Variants in SLIT3 observed in about 807,000 individuals in gnomAD.
The protein encoded by SLIT3 is slit homolog 3 protein.
In SLIT3, 68 loss-of-function variants were observed where a neutral mutation model predicts 184.0. The observed-to-expected ratio is 0.37, with a 90% CI of 0.30 to 0.45. SLIT3 has a LOEUF of 0.45. SLIT3 is among the 20% of genes least tolerant of loss of function. The pLI is 1.00. For synonymous variants in SLIT3, 831 were observed against 828.6 expected, an observed-to-expected ratio of 1.00 and a Z score of -0.05; for missense variants, 1,707 against 2,026.0, an observed-to-expected ratio of 0.84 and a Z score of 3.02.
intron 14 of SLIT3, among the ~76,000 whole-genome samples, chr5:168,763,106 T>C (rs547735992): frequency 6.6e-6 from 1 of 152,136 alleles, no homozygotes; most frequent in African/African-American, 2.4e-5. Flanking sequence ...TAAATGTTCA[T>C]GAAAATCCAA....
intron 4 of SLIT3, among the ~76,000 whole-genome samples, chr5:168,894,108 T>C (rs1760572016): frequency 6.6e-6 from 1 of 152,210 alleles, no homozygotes; most frequent in South Asian, 2.1e-4. Flanking sequence ...AGGTGGTCTT[T>C]TTTAACTCAG....
intron 5 of SLIT3, among the ~76,000 whole-genome samples, chr5:168,879,619 T>C (rs897455516): frequency 1.3e-5 from 2 of 152,220 alleles, no homozygotes; most frequent in Non-Finnish European, 2.9e-5. Flanking sequence ...GACTCCCTCT[T>C]ATTAAAACCA....
chr5:168,905,355 C>T (rs138792834), intron 4 of SLIT3, among the ~76,000 whole-genome samples: 166 of 152,268 alleles, frequency 1.1e-3, no homozygotes, highest in African/African-American at 3.6e-3. Context: ...TTTGTCAACA[C>T]CTGTATGCTT....
chr5:169,252,226 T>C (rs1765799486), intron 1 of SLIT3, among the ~76,000 whole-genome samples: 1 of 152,230 alleles, frequency 6.6e-6, no homozygotes, highest in Non-Finnish European at 1.5e-5. Flanking sequence ...TTTAACTCCA[T>C]ACCCAACATA....
At chr5:168,952,101 T>A (rs1001688148) in intron 4 of SLIT3, among the ~76,000 whole-genome samples, 1 of 152,154 alleles carries the variant, frequency 6.6e-6, no homozygotes, top group African/African-American at 2.4e-5. Flanking sequence ...ATGAGAAATA[T>A]TCCCCCAAAG....
intron 4 of SLIT3, among the ~76,000 whole-genome samples, chr5:169,135,257 G>A (rs1200317170): frequency 6.6e-6 from 1 of 152,088 alleles, no homozygotes; most frequent in Admixed American, 6.6e-5. Flanking sequence ...GATTACAGGT[G>A]CCCGCCACCA....
chr5:169,269,265 C>G (rs1351803313), intron 1 of SLIT3, among the ~76,000 whole-genome samples: 3 of 152,202 alleles, frequency 2.0e-5, no homozygotes, highest in African/African-American at 7.2e-5. Context: ...TCTCCTTAAC[C>G]ACTCTGACTT....
intron 4 of SLIT3, among the ~76,000 whole-genome samples, chr5:169,112,462 C>T (rs992739394): frequency 1.3e-5 from 2 of 152,180 alleles, no homozygotes; most frequent in Admixed American, 1.3e-4. Context: ...GGTAGACCCT[C>T]ATAACATTTT....
intron 4 of SLIT3, among the ~76,000 whole-genome samples, chr5:168,896,464 C>T (rs138562246): frequency 0.018 from 2,752 of 152,248 alleles, 51 homozygotes; most frequent in Admixed American, 0.062. Context: ...AAAAACCCTG[C>T]CTTCTTGCCC....
intron 4 of SLIT3, among the ~76,000 whole-genome samples, chr5:169,011,728 A>C (rs780209108): frequency 6.6e-6 from 1 of 152,140 alleles, no homozygotes. Context: ...ACTCAACCAC[A>C]CTTGAAAAGT....
At chr5:169,267,629 G>A (rs756362028) in intron 1 of SLIT3, among the ~76,000 whole-genome samples, 30 of 152,172 alleles carry the variant, frequency 2.0e-4, no homozygotes, top group Non-Finnish European at 3.5e-4. Flanking sequence ...GAATACTTTT[G>A]TGAGTTAAAG....
intron 3 of SLIT3, among the ~76,000 whole-genome samples, chr5:169,238,653 A>G (rs1170202517): frequency 6.6e-6 from 1 of 150,962 alleles, no homozygotes; most frequent in Non-Finnish European, 1.5e-5. Context: ...CTTCTGGTGA[A>G]TTCTAACATT....
At chr5:168,754,703 A>G (rs954689048) in intron 16 of SLIT3, among the ~76,000 whole-genome samples, 1 of 152,198 alleles carries the variant, frequency 6.6e-6, no homozygotes, top group African/African-American at 2.4e-5. Context: ...ATCACTGTAC[A>G]TTGCATGCAT....
intron 26 of SLIT3, chr5:168,707,663 A>G (rs1762413974): frequency 3.8e-6 from 1 of 260,544 alleles, no homozygotes; most frequent in Admixed American, 4.9e-5. Context: ...GGATGCCTCT[A>G]CTTGGAAACA....
chr5:168,743,880 C>T (rs10434686), intron 20 of SLIT3, among the ~76,000 whole-genome samples: 58,301 of 152,100 alleles, frequency 0.38, 11,492 homozygotes, highest in East Asian at 0.47. Context: ...TTCCCTCAAG[C>T]CAAAGCCTAA....
chr5:168,833,428 A>T (rs1435647200), intron 6 of SLIT3, among the ~76,000 whole-genome samples: 1 of 152,134 alleles, frequency 6.6e-6, no homozygotes, highest in Non-Finnish European at 1.5e-5. Context: ...GTGCTTACTC[A>T]ACGGGTTTCT....
intron 8 of SLIT3, among the ~76,000 whole-genome samples, chr5:168,813,759 A>G (rs1037954380): frequency 6.6e-6 from 1 of 152,198 alleles, no homozygotes. Flanking sequence ...AGACAGCTGG[A>G]TTTAATTCAA....
intron 5 of SLIT3, among the ~76,000 whole-genome samples, chr5:168,855,787 T>C (rs1581149290): frequency 6.6e-6 from 1 of 152,114 alleles, no homozygotes; most frequent in East Asian, 1.9e-4. Flanking sequence ...GAAAATGTTT[T>C]AGAAATAGAC....
intron 1 of SLIT3, among the ~76,000 whole-genome samples, chr5:169,267,373 C>A (rs1046745076): frequency 2.0e-5 from 3 of 152,198 alleles, no homozygotes; most frequent in Admixed American, 1.3e-4. Context: ...ACTTACTGGG[C>A]TCCAGGGCCA....
Sources: allele counts gnomAD v4.1 joint callset (sites outside exome capture counted in the v4.1 genomes callset), GRCh38; gene constraint gnomAD v4.1.1; transcripts MANE v1.5; gene names NCBI Gene and HGNC (gene_info 2026-07-23, HGNC 2026-07-21).